CSMD1: variants seen among roughly 807,000 people sequenced by gnomAD.
CSMD1 encodes CUB and sushi domain-containing protein 1.
In CSMD1, 213 loss-of-function variants were observed where a neutral mutation model predicts 417.5. The observed-to-expected ratio is 0.51, with a 90% CI of 0.46 to 0.57. CSMD1 has a LOEUF of 0.57. Among genes scored for constraint, CSMD1 ranks in the 20% least tolerant of loss-of-function variants. CSMD1 has a pLI of 0.00. For missense variants in CSMD1, 6,923 were observed against 4,529.7 expected, an observed-to-expected ratio of 1.53 and a Z score of -15.17; for synonymous variants, 2,862 against 1,736.8, an observed-to-expected ratio of 1.65 and a Z score of -16.11.
At chr8:4,991,214 C>G (rs1052236446) in intron 1 of CSMD1, among the ~76,000 whole-genome samples, 2 of 152,166 alleles carry the variant, frequency 1.3e-5, no homozygotes, top group African/African-American at 4.8e-5. Context: ...TTCCTGTTTA[C>G]CAGATGAAAA....
intron 5 of CSMD1, among the ~76,000 whole-genome samples, chr8:3,791,500 C>T (rs750032516): frequency 1.3e-5 from 2 of 152,172 alleles, no homozygotes; most frequent in Non-Finnish European, 2.9e-5. Flanking sequence ...GAAAAGTCAT[C>T]TCTACAACAA....
intron 65 of CSMD1, among the ~76,000 whole-genome samples, chr8:2,953,793 A>G (rs1357494622): frequency 6.6e-6 from 1 of 152,228 alleles, no homozygotes; most frequent in Non-Finnish European, 1.5e-5. Context: ...GACACTTGGA[A>G]AAAAATTGGG....
chr8:4,895,626 C>G (rs548736039), intron 1 of CSMD1, among the ~76,000 whole-genome samples: 3 of 151,740 alleles, frequency 2.0e-5, no homozygotes, highest in Non-Finnish European at 4.4e-5. Flanking sequence ...GACTTTCCTA[C>G]TCTGATGTTG....
At chr8:3,019,090 G>A (rs1017237144) in intron 51 of CSMD1, among the ~76,000 whole-genome samples, 1 of 152,058 alleles carries the variant, frequency 6.6e-6, no homozygotes, top group African/African-American at 2.4e-5. Context: ...GCTAATTTTT[G>A]TATTTTTAGT....
chr8:4,479,989 C>T (rs76709381), intron 2 of CSMD1, among the ~76,000 whole-genome samples: 12,271 of 150,022 alleles, frequency 0.082, 728 homozygotes, highest in East Asian at 0.2. Context: ...AATAAAAAGT[C>T]AACAAAAAAA....
intron 3 of CSMD1, among the ~76,000 whole-genome samples, chr8:4,415,018 C>G (rs1469122043): frequency 2.0e-5 from 3 of 152,146 alleles, no homozygotes; most frequent in African/African-American, 7.2e-5. Flanking sequence ...GAAGCATAGG[C>G]AAGCAAAAAT....
intron 1 of CSMD1, among the ~76,000 whole-genome samples, chr8:4,695,159 G>C (rs546516001): frequency 3.3e-5 from 5 of 151,748 alleles, no homozygotes; most frequent in South Asian, 2.1e-4. Flanking sequence ...TTTGTACATG[G>C]AATACACATA....
chr8:4,007,844 T>C (rs1816245785), intron 4 of CSMD1, among the ~76,000 whole-genome samples: 1 of 152,138 alleles, frequency 6.6e-6, no homozygotes. Context: ...TCTCTAAGAA[T>C]AGAAGAAGAA....
intron 7 of CSMD1, among the ~76,000 whole-genome samples, chr8:3,653,718 G>A (rs1315312989): frequency 1.3e-5 from 2 of 152,182 alleles, no homozygotes; most frequent in Non-Finnish European, 2.9e-5. Flanking sequence ...GAGGAATGAG[G>A]ACTCTAGTGA....
At chr8:4,137,623 T>C (rs1803516489) in intron 3 of CSMD1, among the ~76,000 whole-genome samples, 1 of 131,702 alleles carries the variant, frequency 7.6e-6, no homozygotes, top group South Asian at 2.5e-4. Context: ...CAACTGTTAA[T>C]TGATCACATT....
intron 5 of CSMD1, among the ~76,000 whole-genome samples, chr8:3,989,752 A>G (rs868571012): frequency 6.6e-6 from 1 of 152,212 alleles, no homozygotes; most frequent in Non-Finnish European, 1.5e-5. Context: ...GGGAAACGCT[A>G]ATGTTCTAGG....
At chr8:4,602,444 G>A (rs1800641223) in intron 2 of CSMD1, among the ~76,000 whole-genome samples, 1 of 152,140 alleles carries the variant, frequency 6.6e-6, no homozygotes, top group African/African-American at 2.4e-5. Flanking sequence ...TATTTATAAG[G>A]AGGACAGCTG....
Position 3,107,704 on chromosome 8 carries a change from G to A in CSMD1, c.6835+14C>T, listed in dbSNP as rs773878150. 4.1e-6 allele frequency: 6 copies of A among 1,476,706 alleles called. No individual in the cohort carries two copies. In the African/African-American group the frequency reaches 4.2e-5, roughly 10 times the overall value. The allele number at this position is 1,476,706 out of a possible 1,614,324, so 91.5% of individuals were successfully genotyped here. A position where few individuals can be genotyped will look rare whatever the true frequency, so the allele number is the denominator to read the frequency against. On this transcript the variant is annotated intron_variant, in intron 45 of 69. Coordinates refer to ENST00000635120, the MANE Select transcript of CSMD1 (RefSeq NM_033225.6). ...CGTGCTGAATTCATGGTATTGTAATGAAGAAAGTATTACCTATTTCGAAAT... is the reference window on the plus strand; with the variant it reads ...CGTGCTGAATTCATGGTATTGTAATAAAGAAAGTATTACCTATTTCGAAAT...
At chr8:4,116,924 C>T (rs1477778196) in intron 3 of CSMD1, among the ~76,000 whole-genome samples, 1 of 152,032 alleles carries the variant, frequency 6.6e-6, no homozygotes, top group Non-Finnish European at 1.5e-5. Context: ...GAAATGTGTA[C>T]CATCCTTTGT....
At chr8:4,603,249 G>C (rs1298951694) in intron 2 of CSMD1, among the ~76,000 whole-genome samples, 1 of 151,868 alleles carries the variant, frequency 6.6e-6, no homozygotes, top group Non-Finnish European at 1.5e-5. Context: ...ACCATGACCT[G>C]CTGCAAATTT....
Position 3,949,150 on chromosome 8 carries a change from A to C in CSMD1, c.818+48753T>G, listed in dbSNP as rs140341673. On this transcript the variant is annotated intron_variant, in intron 5 of 69. Coordinates refer to ENST00000635120, the MANE Select transcript of CSMD1 (RefSeq NM_033225.6). ...AATATGGATGCATTGTGGAATGGCTAAATTGAGCTAATTAACATATGCATT... is the reference window on the plus strand; with the variant it reads ...AATATGGATGCATTGTGGAATGGCTCAATTGAGCTAATTAACATATGCATT... Among the ~76,000 whole-genome samples, 732 of 152,352 alleles carry C rather than the reference A, an allele frequency of 4.8e-3. 8 individuals carry two copies. Among genetic ancestry groups the C allele is most frequent in the African/African-American group, 0.017 (712 of 41,586 alleles).
At chr8:4,255,098 G>A (rs568976282) in intron 3 of CSMD1, among the ~76,000 whole-genome samples, 9 of 152,054 alleles carry the variant, frequency 5.9e-5, no homozygotes, top group South Asian at 2.1e-4. Context: ...TTAACCCCTC[G>A]GTCTCTCTAC....
chr8:4,254,804 T>G (rs1803336900), intron 3 of CSMD1, among the ~76,000 whole-genome samples: 1 of 152,166 alleles, frequency 6.6e-6, no homozygotes, highest in South Asian at 2.1e-4. Flanking sequence ...GGTGACAGGC[T>G]GCACCCCAGA....
chr8:4,395,936 G>C (rs1449524299), intron 3 of CSMD1, among the ~76,000 whole-genome samples: 1 of 152,110 alleles, frequency 6.6e-6, no homozygotes, highest in Non-Finnish European at 1.5e-5. Context: ...TGTAACCGTT[G>C]AAATATTCCC....
Sources: allele counts gnomAD v4.1 joint callset (sites outside exome capture counted in the v4.1 genomes callset), GRCh38; gene constraint gnomAD v4.1.1; transcripts MANE v1.5; gene names NCBI Gene and HGNC (gene_info 2026-07-23, HGNC 2026-07-21).